PDE4DIP: variants seen among roughly 807,000 people sequenced by gnomAD.
The protein encoded by PDE4DIP is myomegalin.
In PDE4DIP, 59 loss-of-function variants were observed where a neutral mutation model predicts 221.4. That is an observed-to-expected ratio of 0.27 (90% CI 0.22 to 0.33). PDE4DIP has a LOEUF of 0.33. Among genes scored for constraint, PDE4DIP ranks in the 10% least tolerant of loss-of-function variants. The probability of loss-of-function intolerance (pLI) is 1.00; values close to 1 mark genes in which losing one functional copy is unlikely to be tolerated. For synonymous variants in PDE4DIP, 404 were observed against 815.9 expected, an observed-to-expected ratio of 0.50 and a Z score of 8.60; for missense variants, 1,036 against 2,154.2, an observed-to-expected ratio of 0.48 and a Z score of 10.28.
intron 1 of PDE4DIP, among the ~76,000 whole-genome samples, chr1:148,813,696 C>T: frequency 9.7e-6 from 1 of 103,164 alleles, no homozygotes; most frequent in Non-Finnish European, 2.0e-5. Flanking sequence ...TATAGTTTTG[C>T]ATTTTTACAT....
chr1:148,963,807 A>C (rs74354588), intron 9 of PDE4DIP, among the ~76,000 whole-genome samples: 1 of 110,550 alleles, frequency 9.0e-6, no homozygotes, highest in Admixed American at 1.0e-4. Context: ...AGGCTGGAGT[A>C]CAGTGGCGCG....
intron 1 of PDE4DIP, among the ~76,000 whole-genome samples, chr1:148,899,468 A>T (rs61171833): frequency 8.7e-5 from 11 of 126,622 alleles, no homozygotes; most frequent in African/African-American, 3.4e-4. Context: ...CTTCTATCCC[A>T]AATGAATAGA....
At chr1:148,962,317 G>C in intron 8 of PDE4DIP, 29 bp downstream of exon 11, 1 of 1,536,696 alleles carries the variant, frequency 6.5e-7, no homozygotes, top group Non-Finnish European at 9.0e-7. Flanking sequence ...GGACAGGAGA[G>C]ACTTCAGTTG....
Position 148,857,299 on chromosome 1 carries a change from C to T in PDE4DIP, c.234-5951C>T, listed in dbSNP as rs3099170. 3.5e-5 allele frequency among the ~76,000 whole-genome samples: 3 copies of T among 85,302 alleles called. 1 individual carries two copies. The highest frequency in any genetic ancestry group is 7.3e-5 in the African/African-American group (1 of 13,632). The allele number at this position is 85,302 out of a possible 152,430, so 56.0% of individuals were successfully genotyped here. On this transcript the variant is annotated intron_variant, in intron 1 of 45. Transcript: ENST00000524974. The stretch of plus-strand genomic sequence containing the variant: ...AACCTCCGGACTTTTTATTTCTCTG[C>T]GTTCTTTTCTAGTTTGTTTCTATGG...
chr1:148,996,073 A>C (rs2064156858), intron 22 of PDE4DIP, among the ~76,000 whole-genome samples: 1 of 152,120 alleles, frequency 6.6e-6, no homozygotes, highest in Admixed American at 6.5e-5. Context: ...ATGTACCTTA[A>C]GGTTTTTCTG....
At chr1:148,946,068 C>A (rs1489899054) in intron 5 of PDE4DIP, among the ~76,000 whole-genome samples, 5 of 152,012 alleles carry the variant, frequency 3.3e-5, no homozygotes, top group Admixed American at 2.6e-4. Flanking sequence ...CTCTCCTCTT[C>A]GCTGACTTCA....
At chr1:148,865,140 G>C (rs1686042868) in intron 2 of PDE4DIP, among the ~76,000 whole-genome samples, 1 of 139,706 alleles carries the variant, frequency 7.2e-6, no homozygotes, top group Admixed American at 6.9e-5. Context: ...CCAGGCTGGA[G>C]TGCAGTGGTG....
intron 43 of PDE4DIP, chr1:149,030,695 A>T (rs2076489081): frequency 1.0e-5 from 10 of 982,040 alleles, no homozygotes; most frequent in Non-Finnish European, 1.2e-5. Context: ...AGCAATTTGC[A>T]ACCTAATAAA....
chr1:148,945,658 TA>T (rs1354492794), intron 5 of PDE4DIP, among the ~76,000 whole-genome samples: 1 of 151,786 alleles, frequency 6.6e-6, no homozygotes, highest in Non-Finnish European at 1.5e-5. Context: ...TCTTAGTTCA[TA>T]AATCTAAGGT....
At chr1:149,007,043 T>A in intron 27 of PDE4DIP, 158 bp from the exon 31 acceptor site, 1 of 596,086 alleles carries the variant, frequency 1.7e-6, no homozygotes, top group Non-Finnish European at 3.0e-6. Flanking sequence ...AGGGTAGAAT[T>A]TACTCTTAAA....
chr1:148,977,446 A>G (rs2060399505), intron 17 of PDE4DIP, among the ~76,000 whole-genome samples: 2 of 119,694 alleles, frequency 1.7e-5, no homozygotes, highest in Non-Finnish European at 3.4e-5. Flanking sequence ...TTTTGGCAGT[A>G]TTTCTTCACA....
intron 20 of PDE4DIP, among the ~76,000 whole-genome samples, chr1:148,980,932 G>A (rs1258451202): frequency 6.6e-6 from 1 of 152,190 alleles, no homozygotes; most frequent in Non-Finnish European, 1.5e-5. Context: ...CTGGGTTTTA[G>A]TTTTTCAGAA....
chr1:148,926,689 C>T (rs1287728976), intron 1 of PDE4DIP, among the ~76,000 whole-genome samples: 1 of 151,674 alleles, frequency 6.6e-6, no homozygotes, highest in Non-Finnish European at 1.5e-5. Flanking sequence ...GGAAGTTGCT[C>T]CCTCTTTGCA....
intron 1 of PDE4DIP, among the ~76,000 whole-genome samples, chr1:148,813,775 A>T (rs1553353862): frequency 4.6e-4 from 56 of 122,238 alleles, no homozygotes; most frequent in Middle Eastern, 3.9e-3. Flanking sequence ...TTTCTTTTTT[A>T]TCTTTTTTTT....
intron 4 of PDE4DIP, among the ~76,000 whole-genome samples, chr1:148,936,918 G>C (rs1332353980): frequency 9.2e-5 from 14 of 152,086 alleles, no homozygotes; most frequent in Admixed American, 9.2e-4. Context: ...TAGCTCCTGA[G>C]GGACCTGCCT....
intron 1 of PDE4DIP, among the ~76,000 whole-genome samples, chr1:148,859,779 A>G (rs1553398831): frequency 7.4e-6 from 1 of 135,052 alleles, no homozygotes; most frequent in Non-Finnish European, 1.6e-5. Flanking sequence ...ATGTACCAAC[A>G]TATATTACCA....
intron 20 of PDE4DIP, 64 bp from the exon 24 acceptor site, chr1:148,981,206 C>T: frequency 6.6e-7 from 1 of 1,517,288 alleles, no homozygotes; most frequent in East Asian, 2.3e-5. Context: ...TCTTTGGAAA[C>T]AAATGTGGAC....
chr1:148,977,485 C>G (rs1336815279), intron 17 of PDE4DIP, among the ~76,000 whole-genome samples: 5 of 130,502 alleles, frequency 3.8e-5, no homozygotes, highest in African/African-American at 1.5e-4. Flanking sequence ...CATCAGGAGT[C>G]ATGTAATGTT....
At chr1:149,015,904 C>G (rs587659677) in intron 32 of PDE4DIP, among the ~76,000 whole-genome samples, 1 of 151,250 alleles carries the variant, frequency 6.6e-6, no homozygotes, top group African/African-American at 2.4e-5. Flanking sequence ...AACAGATGTT[C>G]GTGTTCACAG....
Sources: gnomAD v4.1 joint callset for allele counts (sites outside exome capture counted in the v4.1 genomes callset) on GRCh38, gnomAD v4.1.1 for gene constraint, MANE v1.5 for transcripts, NCBI Gene and HGNC (gene_info 2026-07-23, HGNC 2026-07-21) for gene names.